Variants in SYT1 observed in about 807,000 individuals in gnomAD.
The protein encoded by SYT1 is synaptotagmin 1, also known as synaptotagmin-1.
A neutral mutation model predicts 44.8 loss-of-function variants in SYT1; 8 were observed. The ratio of observed to expected loss-of-function variants is 0.18; its 90% confidence interval spans 0.10 to 0.32. The LOEUF (loss-of-function observed/expected upper bound fraction) is 0.32. SYT1 is among the 10% of genes least tolerant of loss of function. SYT1 has a pLI of 1.00. For missense variants in SYT1, 286 were observed against 509.3 expected, an observed-to-expected ratio of 0.56 and a Z score of 4.22; for synonymous variants, 154 against 188.8, an observed-to-expected ratio of 0.82 and a Z score of 1.51.
At chr12:78,983,404 T>C (rs2137449493) in intron 2 of SYT1, among the ~76,000 whole-genome samples, 1 of 152,204 alleles carries the variant, frequency 6.6e-6, no homozygotes, top group Admixed American at 6.6e-5. Flanking sequence ...AATTACATTT[T>C]CCAGTGATTA....
At chr12:78,970,001 T>C (rs1417405557) in intron 1 of SYT1, among the ~76,000 whole-genome samples, 2 of 152,076 alleles carry the variant, frequency 1.3e-5, no homozygotes, top group Non-Finnish European at 2.9e-5. Context: ...CTGAAACTGG[T>C]GTTTCAGATG....
chr12:79,084,016 C>T (rs1428328577), intron 3 of SYT1, among the ~76,000 whole-genome samples: 1 of 152,052 alleles, frequency 6.6e-6, no homozygotes, highest in Non-Finnish European at 1.5e-5. Context: ...TGAGGGTGTC[C>T]TATGTCACAG....
chr12:79,179,580 T>A (rs1872383116), intron 3 of SYT1, among the ~76,000 whole-genome samples: 1 of 149,834 alleles, frequency 6.7e-6, no homozygotes, highest in African/African-American at 2.4e-5. Flanking sequence ...TAGATATGGA[T>A]ATAGATATAG....
chr12:78,907,943 A>C (rs1876091095), intron 1 of SYT1, among the ~76,000 whole-genome samples: 1 of 152,050 alleles, frequency 6.6e-6, no homozygotes, highest in Non-Finnish European at 1.5e-5. Context: ...GTATATAGAG[A>C]AAAGTTTTTC....
intron 4 of SYT1, among the ~76,000 whole-genome samples, chr12:79,282,471 G>A (rs1347724291): frequency 6.6e-6 from 1 of 152,098 alleles, no homozygotes; most frequent in Non-Finnish European, 1.5e-5. Flanking sequence ...TAAGTTGAAT[G>A]TTAAAATTGT....
chr12:78,994,125 C>T (rs557806026), intron 2 of SYT1, among the ~76,000 whole-genome samples: 1 of 152,252 alleles, frequency 6.6e-6, no homozygotes, highest in Non-Finnish European at 1.5e-5. Flanking sequence ...TATTTATTTC[C>T]TCCTGAGTAG....
chr12:78,902,997 A>G (rs929903343), intron 1 of SYT1, among the ~76,000 whole-genome samples: 1 of 152,194 alleles, frequency 6.6e-6, no homozygotes. Flanking sequence ...GTTCTGAAAG[A>G]GGAATTAGGG....
chr12:79,413,997 C>T (rs1479534894), intron 9 of SYT1, among the ~76,000 whole-genome samples: 1 of 152,162 alleles, frequency 6.6e-6, no homozygotes, highest in African/African-American at 2.4e-5. Context: ...GGGACTGCTA[C>T]AGTGACTCAC....
At chr12:79,310,881 G>A (rs1880747703) in intron 8 of SYT1, among the ~76,000 whole-genome samples, 1 of 152,172 alleles carries the variant, frequency 6.6e-6, no homozygotes, top group African/African-American at 2.4e-5. Flanking sequence ...CTGAGACTTT[G>A]CTGAAGTTGC....
intron 1 of SYT1, among the ~76,000 whole-genome samples, chr12:78,868,033 G>A (rs1873633791): frequency 6.6e-6 from 1 of 151,780 alleles, no homozygotes; most frequent in Non-Finnish European, 1.5e-5. Context: ...AGTTGATTTT[G>A]AGAAAATTCC....
intron 3 of SYT1, among the ~76,000 whole-genome samples, chr12:79,141,714 A>G (rs1869568155): frequency 1.3e-5 from 2 of 152,222 alleles, no homozygotes; most frequent in Non-Finnish European, 2.9e-5. Flanking sequence ...ATATAAACTG[A>G]TATTCAGACA....
chr12:79,047,083 A>G (rs1874124798), intron 2 of SYT1, among the ~76,000 whole-genome samples: 1 of 151,892 alleles, frequency 6.6e-6, no homozygotes, highest in African/African-American at 2.4e-5. Flanking sequence ...AACTATCCAC[A>G]GACTCTCAAT....
Position 79,132,718 on chromosome 12 carries a change from A to G in SYT1, c.-17-84785A>G, listed in dbSNP as rs146208128. 1.1e-3 allele frequency among the ~76,000 whole-genome samples: 169 copies of G among 149,672 alleles called. 4 individuals carry two copies. The highest frequency in any genetic ancestry group is 4.0e-3 in the African/African-American group (162 of 40,674). ...AAAAAAAAACCCTGAAAATAGAGCT[A>G]CCATGAGATCCAGCAATCTCAATAC... On this transcript the variant is annotated intron_variant, in intron 3 of 10. Transcript: ENST00000261205.
intron 3 of SYT1, among the ~76,000 whole-genome samples, chr12:79,136,791 T>G (rs1310819105): frequency 6.6e-6 from 1 of 151,910 alleles, no homozygotes; most frequent in African/African-American, 2.4e-5. Flanking sequence ...AAAAAATCAT[T>G]TCTCTTGTGT....
intron 2 of SYT1, among the ~76,000 whole-genome samples, chr12:79,009,260 A>G (rs1441072756): frequency 6.6e-6 from 1 of 152,114 alleles, no homozygotes; most frequent in African/African-American, 2.4e-5. Flanking sequence ...AATACTTTAA[A>G]TCTTAGTGAC....
intron 3 of SYT1, among the ~76,000 whole-genome samples, chr12:79,074,636 C>T (rs528993452): frequency 7.2e-5 from 11 of 152,286 alleles, no homozygotes; most frequent in African/African-American, 2.4e-4. Flanking sequence ...TTATGAACTG[C>T]GACATCCTAT....
intron 4 of SYT1, among the ~76,000 whole-genome samples, chr12:79,268,332 T>G (rs1878240687): frequency 1.3e-5 from 2 of 152,208 alleles, no homozygotes; most frequent in South Asian, 4.2e-4. Context: ...TAAAATAAGT[T>G]TGCCGTGACT....
chr12:79,242,761 C>G (rs1241713662), intron 4 of SYT1, among the ~76,000 whole-genome samples: 1 of 152,144 alleles, frequency 6.6e-6, no homozygotes, highest in East Asian at 1.9e-4. Flanking sequence ...TCCCAAAATG[C>G]CAGTGGAAGA....
At chr12:79,400,066 G>A (rs1885017631) in intron 9 of SYT1, among the ~76,000 whole-genome samples, 1 of 152,104 alleles carries the variant, frequency 6.6e-6, no homozygotes, top group South Asian at 2.1e-4. Context: ...CAAGATGACT[G>A]GAATATACCT....
Sources: gnomAD v4.1 joint callset for allele counts (sites outside exome capture counted in the v4.1 genomes callset) on GRCh38, gnomAD v4.1.1 for gene constraint, MANE v1.5 for transcripts, NCBI Gene and HGNC (gene_info 2026-07-23, HGNC 2026-07-21) for gene names.